The following TPH1 variants were observed in gnomAD, a reference collection of about 807,000 sequenced individuals.
The protein encoded by TPH1 is tryptophan hydroxylase 1.
Under a neutral mutation model 49.5 loss-of-function variants are expected in TPH1, and 37 were observed. The ratio of observed to expected loss-of-function variants is 0.75; its 90% CI spans 0.58 to 0.98. TPH1 has a LOEUF of 0.98. Ranked by LOEUF, TPH1 falls within the 50% of genes least tolerant of loss-of-function variation. TPH1 has a pLI of 0.00. For synonymous variants in TPH1, 160 were observed against 182.1 expected (o/e 0.88, Z 0.98); for missense variants, 487 against 523.6 (o/e 0.93, Z 0.68).
intron 10 of TPH1, among the ~76,000 whole-genome samples, chr11:18,022,005 A>G (rs745413007): frequency 2.7e-4 from 41 of 152,220 alleles, no homozygotes; most frequent in Non-Finnish European, 4.3e-4. Flanking sequence ...GGTTTCATGA[A>G]TGGCCTAACT....
chr11:18,022,866 A>T lies in TPH1; in HGVS notation c.1092T>A (p.Cys364Ter), dbSNP rs1854379223. ...FDPKITCKQECLITTFQDVYF... is the reference protein window; with the variant it reads ...FDPKITCKQE ...AGACATCTTGAAAAGTTGTGATAAG[A>T]CATTCCTGTTTGCAGGTAATCTTGG... Residue 364 changes from cysteine (C) to a stop codon, truncating the protein, a stop_gained, in exon 10 of 11, where the codon TGT becomes TGA. Coordinates refer to ENST00000682019, the MANE Select transcript of TPH1 (RefSeq NM_004179.3). LOFTEE classifies it high-confidence loss of function. 6.2e-6 allele frequency: 10 copies of T among 1,613,680 alleles called. No homozygotes were observed. Among genetic ancestry groups the T allele is most frequent in the Non-Finnish European group, 8.5e-6 (10 of 1,179,682 alleles).
chr11:18,026,380 A>T, intron 7 of TPH1, 110 bp downstream of exon 7: 1 of 1,106,640 alleles, frequency 9.0e-7, no homozygotes, highest in Non-Finnish European at 1.3e-6. Context: ...TAATTTATTT[A>T]ATCCTCGCAC....
intron 1 of TPH1, among the ~76,000 whole-genome samples, chr11:18,044,295 G>A (rs1413217404): frequency 2.6e-5 from 4 of 151,676 alleles, no homozygotes; most frequent in East Asian, 2.0e-4. Context: ...GGTGGCGGGC[G>A]CCTGTAGTCC....
chr11:18,029,626 T>C, intron 4 of TPH1, 47 bp from the exon 5 acceptor site: 6 of 1,456,384 alleles, frequency 4.1e-6, no homozygotes, highest in Non-Finnish European at 5.8e-6. Flanking sequence ...AAAAAATACT[T>C]GACAAATGAT....
At chr11:18,022,219 T>C (rs1854371527) in intron 10 of TPH1, among the ~76,000 whole-genome samples, 1 of 152,238 alleles carries the variant, frequency 6.6e-6, no homozygotes, top group Non-Finnish European at 1.5e-5. Flanking sequence ...TCTAAAAAGT[T>C]TCTCTGCCTC....
intron 10 of TPH1, 40 bp from the exon 11 acceptor site, chr11:18,021,205 G>A: frequency 6.3e-7 from 1 of 1,586,104 alleles, no homozygotes; most frequent in Non-Finnish European, 8.7e-7. Context: ...AATTTCTAGG[G>A]AGTGAATGAT....
At chr11:18,032,847 G>A (rs1342762057) in intron 4 of TPH1, among the ~76,000 whole-genome samples, 1 of 151,844 alleles carries the variant, frequency 6.6e-6, no homozygotes, top group Non-Finnish European at 1.5e-5. Context: ...CACCCGGCCC[G>A]CTTGTTGAAA....
rs368358256 is a variant in TPH1, at chr11:18,029,081, C to CAAAAAAAAA, written c.667+75_667+83dup. 28 of 540,800 alleles carry CAAAAAAAAA rather than the reference C, an allele frequency of 5.2e-5. 1 individual carries two copies. The highest frequency in any genetic ancestry group is 4.3e-4 in the African/African-American group (14 of 32,634). The allele number at this position is 540,800 out of a possible 1,614,324, so 33.5% of individuals were successfully genotyped here. On this transcript the variant is annotated intron_variant, in intron 6 of 10. Coordinates refer to ENST00000682019, the MANE Select transcript of TPH1 (RefSeq NM_004179.3). ...GGCAACAGAAAGAGAGACTCTGTCT[C>CAAAAAAAAA]AAAAAAAAAAAAAAAAAAAAAATGC...
chr11:18,042,432 G>T, intron 1 of TPH1: 1 of 417,312 alleles, frequency 2.4e-6, no homozygotes, highest in Admixed American at 3.1e-5. Context: ...TTGTCCTAAA[G>T]CGTGAAAATG....
chr11:18,022,666 G>A, intron 10 of TPH1, 132 bp downstream of exon 10: 1 of 911,404 alleles, frequency 1.1e-6, no homozygotes, highest in South Asian at 1.4e-5. Flanking sequence ...TGTTATGAAA[G>A]GAAGATGTGT....
chr11:18,029,608 T>C (rs1241045724), intron 4 of TPH1, 29 bp from the exon 5 acceptor site: 2 of 1,562,708 alleles, frequency 1.3e-6, no homozygotes, highest in South Asian at 2.2e-5. Context: ...TTTTTAAATA[T>C]CCATACTAAA....
In TPH1 at chr11:18,023,928, A is replaced by C. The variant is rs1018254276; in HGVS notation, c.986T>G (p.Val329Gly). ...GLCKQDGQLR[V>G]FGAGLLSSIS... ...AGAAGAAAGTAAGCCAGCACCAAAG[A>C]CTCTTAGCTGTCCATCTTGTTTACA... Residue 329 changes from valine (V) to glycine (G), a missense_variant, in exon 9 of 11, where the codon GTC becomes GGC. Transcript: ENST00000682019. 1 of 1,613,426 alleles carries C rather than the reference A, an allele frequency of 6.2e-7. No individual in the cohort carries two copies. The highest frequency in any genetic ancestry group is 8.5e-7 in the Non-Finnish European group (1 of 1,179,714).
In TPH1 at chr11:18,040,688, C is replaced by T; in HGVS notation, c.75G>A (p.Lys25=). 2 of 1,612,376 alleles carry T rather than the reference C, an allele frequency of 1.2e-6. No homozygotes were observed. Among genetic ancestry groups the T allele is most frequent in the East Asian group, 2.2e-5 (1 of 44,812 alleles). ...CTTTTATAAGTCCTCCAACTTCATT[C>T]TTTAAGGAAAAAATGAGACTTGCTC... ...RGRASLIFSL[K]NEVGGLIKAL... The change falls in exon 2 of 11, where the codon AAG becomes AAA. Residue 25 remains lysine, a synonymous_variant. Coordinates refer to ENST00000682019, the MANE Select transcript of TPH1 (RefSeq NM_004179.3).
chr11:18,042,591 T>A lies in TPH1; in HGVS notation c.-26-1803A>T, dbSNP rs1848108490. Reference sequence around the variant, plus strand: ...GGATAATTAACACCACTCTCATGATTATAAGGAGGATTAAACATATATAAA... The same window carrying A: ...GGATAATTAACACCACTCTCATGATAATAAGGAGGATTAAACATATATAAA... On this transcript the variant is annotated intron_variant, in intron 1 of 10. Coordinates refer to ENST00000682019, the MANE Select transcript of TPH1 (RefSeq NM_004179.3). Among the ~76,000 whole-genome samples, 4 of 152,204 alleles carry A rather than the reference T, an allele frequency of 2.6e-5. No homozygotes were observed. The South Asian group carries it at 8.3e-4, about 31-fold the overall frequency.
intron 4 of TPH1, 108 bp downstream of exon 4, chr11:18,033,166 T>C (rs1053690479): frequency 9.4e-6 from 8 of 849,062 alleles, no homozygotes; most frequent in African/African-American, 1.7e-5. Flanking sequence ...GGCAGGAGAA[T>C]CACTTGAACC....
intron 3 of TPH1, among the ~76,000 whole-genome samples, chr11:18,034,224 G>A (rs990877273): frequency 5.3e-5 from 8 of 152,032 alleles, no homozygotes; most frequent in Non-Finnish European, 1.0e-4. Flanking sequence ...GAACTATCTC[G>A]TCATCTATAC....
At chr11:18,042,514 C>A in intron 1 of TPH1, 1 of 335,932 alleles carries the variant, frequency 3.0e-6, no homozygotes, top group Non-Finnish European at 5.8e-6. Flanking sequence ...TCCATCTAGG[C>A]AAGTTATAAT....
At chr11:18,027,457 G>T (rs1412746805) in intron 6 of TPH1, among the ~76,000 whole-genome samples, 1 of 152,202 alleles carries the variant, frequency 6.6e-6, no homozygotes, top group African/African-American at 2.4e-5. Flanking sequence ...TGTGACTGAG[G>T]AACCAAACTC....
chr11:18,020,379 T>C lies in TPH1; in HGVS notation c.*612A>G, dbSNP rs1854345129. 6.5e-6 allele frequency: 1 copy of C among 153,972 alleles called. No individual in the cohort carries two copies. Among genetic ancestry groups the C allele is most frequent in the African/African-American group, 2.4e-5 (1 of 41,466 alleles). The allele number at this position is 153,972 out of a possible 1,614,324, so 9.5% of individuals were successfully genotyped here. On this transcript the variant is annotated 3_prime_UTR_variant, in exon 11 of 11. Transcript: ENST00000682019. Reference sequence around the variant, plus strand: ...CTTTCCAGGCTTAGCTACTCCCATTTCCCTACAAGATACTACACTTGAAAC... The same window carrying C: ...CTTTCCAGGCTTAGCTACTCCCATTCCCCTACAAGATACTACACTTGAAAC...
Sources: gnomAD v4.1 joint callset for allele counts (sites outside exome capture counted in the v4.1 genomes callset) on GRCh38, gnomAD v4.1.1 for gene constraint, MANE v1.5 for transcripts, NCBI Gene and HGNC (gene_info 2026-07-23, HGNC 2026-07-21) for gene names.